ABCA6: variants seen among roughly 807,000 people sequenced by gnomAD.
ABCA6 encodes the protein ATP binding cassette subfamily A member 6, also known as ATP-binding cassette sub-family A member 6.
Under a neutral mutation model 191.2 loss-of-function variants are expected in ABCA6, and 164 were observed. The ratio of observed to expected loss-of-function variants is 0.86; its 90% confidence interval spans 0.76 to 0.98. ABCA6 has a LOEUF of 0.98. Ranked by LOEUF, ABCA6 falls within the 50% of genes least tolerant of loss-of-function variation. ABCA6 has a pLI of 0.00. For synonymous variants in ABCA6, 636 were observed against 647.7 expected (o/e 0.98, Z 0.27); for missense variants, 1,958 against 1,894.1 (o/e 1.03, Z -0.63).
Position 69,128,649 on chromosome 17 carries a change from GCTACAAATATTCAAAATC to G in ABCA6, c.1071_1088del (p.Trp357_Ser363delinsCys), listed in dbSNP as rs776396157. Reference sequence around the variant, plus strand: ...TCATTCCAGTAGTAAAGGCAAAAGGGCTACAAATATTCAAAATCCACTCCAGAGATGAAGGAAGTTGTT... The same window carrying G: ...TCATTCCAGTAGTAAAGGCAAAAGGGCACTCCAGAGATGAAGGAAGTTGTT... On this transcript the variant is annotated inframe_deletion, in exon 8 of 39. Transcript: ENST00000284425. 1.2e-6 allele frequency: 2 copies of G among 1,612,934 alleles called. No individual in the cohort carries two copies. Among genetic ancestry groups the G allele is most frequent in the South Asian group, 2.2e-5 (2 of 90,922 alleles).
chr17:69,130,383 T>C (rs2073841101), intron 6 of ABCA6, among the ~76,000 whole-genome samples: 1 of 152,032 alleles, frequency 6.6e-6, no homozygotes. Flanking sequence ...TTGTGCCTCG[T>C]TGGTACCTAC....
At chr17:69,085,947 C>G (rs780464116) in intron 30 of ABCA6, among the ~76,000 whole-genome samples, 1 of 152,160 alleles carries the variant, frequency 6.6e-6, no homozygotes, top group Non-Finnish European at 1.5e-5. Context: ...TCCTTTTCCC[C>G]CCAGATTACT....
chr17:69,111,061 A>G, intron 16 of ABCA6, 121 bp from the exon 17 acceptor site: 1 of 873,394 alleles, frequency 1.1e-6, no homozygotes, highest in Non-Finnish European at 1.7e-6. Context: ...GAACAAAAAG[A>G]TGAGTAAATA....
rs974790774 is a variant in ABCA6 at position 69,133,766 on chromosome 17, C to T, written c.666G>A (p.Met222Ile). ...AATGAAGCAAGAAGAATAAAATAAA[C>T]ATCTCATTGTGAAGAAGATTTTTAG... ...FITKNLLHNE[M>I]FILFFLLHFS... Residue 222 changes from methionine (M) to isoleucine (I), a missense_variant, in exon 6 of 39, where the codon ATG becomes ATA. By Grantham distance (10) the Met-to-Ile change is conservative (BLOSUM62 1). Transcript: ENST00000284425. The T allele has an allele frequency of 1.9e-6, 3 of 1,611,260 alleles. No homozygotes were observed. Among genetic ancestry groups the T allele is most frequent in the Non-Finnish European group, 2.5e-6 (3 of 1,177,804 alleles).
At chr17:69,099,964 G>C (rs1568008420) in intron 22 of ABCA6, among the ~76,000 whole-genome samples, 1 of 152,210 alleles carries the variant, frequency 6.6e-6, no homozygotes, top group East Asian at 1.9e-4. Flanking sequence ...CCTGCTTCTT[G>C]ATGTTTCAGA....
At chr17:69,084,985 T>C in intron 32 of ABCA6, 43 bp downstream of exon 32, 4 of 1,561,952 alleles carry the variant, frequency 2.6e-6, no homozygotes, top group Non-Finnish European at 3.5e-6. Context: ...TGCTACAGTC[T>C]CCCTGCATTC....
chr17:69,130,015 C>A (rs2073833645), intron 6 of ABCA6, among the ~76,000 whole-genome samples: 2 of 151,912 alleles, frequency 1.3e-5, no homozygotes, highest in African/African-American at 4.8e-5. Flanking sequence ...TAGGCACCAA[C>A]CAATAGAAAG....
At chr17:69,124,087 T>C (rs1322402639) in intron 9 of ABCA6, among the ~76,000 whole-genome samples, 1 of 152,042 alleles carries the variant, frequency 6.6e-6, no homozygotes, top group African/African-American at 2.4e-5. Flanking sequence ...TATATATTCC[T>C]GCTTAGGCAT....
chr17:69,082,894 G>A lies in ABCA6; in HGVS notation c.4595C>T (p.Pro1532Leu). Residue 1532 changes from proline (P) to leucine (L), a missense_variant, in exon 36 of 39, where the codon CCA (proline) becomes CTA (leucine). Pro to Leu is a moderately conservative substitution (Grantham distance 98). Transcript: ENST00000284425. ...TCACCTTTCCTGCCCTGCAGCCTGT[G>A]GGAAAAGCTTCAGAATCTCAGTGTG... is the stretch of plus-strand genomic sequence containing the variant. Reference protein sequence around the residue: ...LVHTEILKLFPQAAGQERYSS... With the variant: ...LVHTEILKLFLQAAGQERYSS... 6 of 1,614,142 alleles carry A rather than the reference G, an allele frequency of 3.7e-6. No homozygotes were observed. In the Middle Eastern group the frequency reaches 9.9e-4, roughly 266 times the overall value.
chr17:69,120,109 T>C (rs1022149433), intron 10 of ABCA6, among the ~76,000 whole-genome samples: 2 of 151,992 alleles, frequency 1.3e-5, no homozygotes, highest in African/African-American at 4.8e-5. Context: ...GCTATAAGTG[T>C]ATGGTGCAAT....
intron 26 of ABCA6, 130 bp from the exon 27 acceptor site, chr17:69,089,672 T>A: frequency 1.4e-6 from 1 of 705,904 alleles, no homozygotes. Context: ...TGTGCACTAG[T>A]GACAAAGTAA....
intron 23 of ABCA6, 45 bp downstream of exon 23, chr17:69,097,874 GA>G: frequency 7.4e-7 from 1 of 1,357,840 alleles, no homozygotes; most frequent in Non-Finnish European, 1.0e-6. Context: ...TCAAAATACA[GA>G]TATTGAAATT....
intron 6 of ABCA6, among the ~76,000 whole-genome samples, chr17:69,132,861 T>C (rs545435432): frequency 1.6e-5 from 2 of 123,942 alleles, no homozygotes; most frequent in South Asian, 5.9e-4. Flanking sequence ...TACATACATA[T>C]ATACATACAT....
chr17:69,129,661 C>T lies in ABCA6; in HGVS notation c.882G>A (p.Met294Ile). ...IIITFTQIIV[M>I]TGFMVIFILF... is the part of the protein sequence containing the mutation. Reference sequence around the variant, plus strand: ...GTATAAATATGACCATGAAGCCAGTCATGACTATAATTTGGGTGAATGTTA... The same window carrying T: ...GTATAAATATGACCATGAAGCCAGTTATGACTATAATTTGGGTGAATGTTA... Residue 294 changes from methionine to isoleucine, a missense_variant, in exon 7 of 39, where the codon ATG becomes ATA. Transcript: ENST00000284425. 1.2e-6 allele frequency: 2 copies of T among 1,605,348 alleles called. No individual in the cohort carries two copies. The highest frequency in any genetic ancestry group is 1.7e-6 in the Non-Finnish European group (2 of 1,173,508).
Position 69,096,693 on chromosome 17 carries a change from A to T in ABCA6, c.3229T>A (p.Tyr1077Asn). ...SFFILILLLMYLIFYIENMQY... is the reference protein window; with the variant it reads ...SFFILILLLMNLIFYIENMQY... ...ATGTTTTCTATGTAGAAAATTAAATACATTAAAAGGAGAATTAAAATGAAG... is the reference window on the plus strand; with the variant it reads ...ATGTTTTCTATGTAGAAAATTAAATTCATTAAAAGGAGAATTAAAATGAAG... The change falls in exon 24 of 39, where the codon TAT becomes AAT. Residue 1077 changes from tyrosine to asparagine, a missense_variant. Transcript: ENST00000284425. 1 of 1,580,608 alleles carries T rather than the reference A, an allele frequency of 6.3e-7. No homozygotes were observed. The highest frequency in any genetic ancestry group is 1.4e-5 in the African/African-American group (1 of 73,124).
At chr17:69,123,672 C>T (rs2073693970) in intron 9 of ABCA6, among the ~76,000 whole-genome samples, 1 of 151,866 alleles carries the variant, frequency 6.6e-6, no homozygotes, top group Admixed American at 6.6e-5. Flanking sequence ...AAAAGAAAGT[C>T]AATAGGAAAG....
chr17:69,098,278 A>G lies in ABCA6; in HGVS notation c.3013-251T>C, dbSNP rs112046640. The G allele has an allele frequency of 2.1e-3, 834 of 395,496 alleles. 9 individuals carry two copies. The highest frequency in any genetic ancestry group is 0.016 in the African/African-American group (749 of 48,082). 24.5% of individuals were successfully genotyped at this position (395,496 alleles called of 1,614,324 possible). On this transcript the variant is annotated intron_variant, in intron 22 of 38. Transcript: ENST00000284425. The stretch of plus-strand genomic sequence containing the variant: ...GAATTGAAAGCAAGCTCTCGAAGAG[A>G]TACCCTCACATTCATATTCATACCA...
In ABCA6 at chr17:69,131,790, T is replaced by C. The variant is rs151105503; in HGVS notation, c.791+1851A>G. On this transcript the variant is annotated intron_variant, in intron 6 of 38. Transcript: ENST00000284425. ...AGGTCACATACATACTAAGAATCAC[T>C]TATCCTGAGAATGAATTCACACCCA... 3.3e-5 allele frequency among the ~76,000 whole-genome samples: 5 copies of C among 152,334 alleles called. No homozygotes were observed. The East Asian group carries it at 9.6e-4, about 29-fold the overall frequency.
At chr17:69,120,948 A>G (rs1292655787) in intron 10 of ABCA6, among the ~76,000 whole-genome samples, 2 of 152,030 alleles carry the variant, frequency 1.3e-5, no homozygotes, top group Non-Finnish European at 2.9e-5. Context: ...GAATTCTACA[A>G]ACTTTCATCC....
Sources: allele counts gnomAD v4.1 joint callset (sites outside exome capture counted in the v4.1 genomes callset), GRCh38; gene constraint gnomAD v4.1.1; transcripts MANE v1.5; gene names NCBI Gene and HGNC (gene_info 2026-07-23, HGNC 2026-07-21).